The following LRRIQ4 variants were observed in gnomAD, a reference collection of about 807,000 sequenced individuals.
LRRIQ4 encodes leucine rich repeats and IQ motif containing 4, also known as leucine-rich repeat and IQ domain-containing protein 4.
Under a neutral mutation model 40.1 loss-of-function variants are expected in LRRIQ4, and 21 were observed. The ratio of observed to expected loss-of-function variants is 0.52; its 90% CI spans 0.37 to 0.75. The LOEUF is 0.75. Among genes scored for constraint, LRRIQ4 ranks in the 30% least tolerant of loss-of-function variants. The probability of loss-of-function intolerance (pLI) is 0.00; values close to 1 mark genes in which losing one functional copy is unlikely to be tolerated. For synonymous variants in LRRIQ4, 277 were observed against 277.1 expected, an observed-to-expected ratio of 1.00 and a Z score of 0.00; for missense variants, 655 against 660.0, an observed-to-expected ratio of 0.99 and a Z score of 0.08.
At position 169,822,652 on chromosome 3, in the gene LRRIQ4, A is replaced by G; in HGVS notation, c.731A>G (p.Asn244Ser). ...SQLSVLDLSH[N>S]LLHSIPKSFA... ...CTGTCGGTGCTCGATTTATCCCACA[A>G]CCTCCTCCACTCCATCCCGAAGAGC... The change falls in exon 2 of 6, where the codon AAC becomes AGC. Residue 244 changes from asparagine to serine, a missense_variant. Transcript: ENST00000340806. The G allele has an allele frequency of 1.2e-6, 2 of 1,613,754 alleles. No individual in the cohort carries two copies. Among genetic ancestry groups the G allele is most frequent in the African/African-American group, 1.3e-5 (1 of 74,962 alleles).
chr3:169,814,501 T>TTTGTTTGTTTGTTTG lies in LRRIQ4; in HGVS notation c.-32+1458_-32+1459insTTTGTTTGTTTGTTG, dbSNP rs1560607379. Among the ~76,000 whole-genome samples the TTTGTTTGTTTGTTTG allele has an allele frequency of 3.8e-3, 563 of 146,406 alleles. 3 individuals are homozygous for TTTGTTTGTTTGTTTG. The highest frequency in any genetic ancestry group is 0.013 in the African/African-American group (529 of 39,684). On this transcript the variant is annotated intron_variant, in intron 1 of 5. Coordinates refer to ENST00000340806, the MANE Select transcript of LRRIQ4 (RefSeq NM_001080460.3). ...GGGGTGTTTGTTTGTTTGTTTGTTT[T>TTTGTTTGTTTGTTTG]TTGAGACAGAGTCTCGCTCTGTGGT... is the stretch of plus-strand genomic sequence containing the variant.
intron 5 of LRRIQ4, among the ~76,000 whole-genome samples, chr3:169,835,403 A>C (rs76975060): frequency 0.097 from 9,915 of 102,150 alleles, 370 homozygotes; most frequent in Admixed American, 0.14. Flanking sequence ...TGTCCTAATG[A>C]TTTTTGGAGT....
chr3:169,829,468 T>TA (rs1780113695), intron 3 of LRRIQ4, among the ~76,000 whole-genome samples: 1 of 150,702 alleles, frequency 6.6e-6, no homozygotes, highest in Non-Finnish European at 1.5e-5. Flanking sequence ...GGTGTCTTCA[T>TA]ATATTCATCC....
intron 2 of LRRIQ4, among the ~76,000 whole-genome samples, chr3:169,823,625 C>T (rs947210799): frequency 1.8e-4 from 27 of 152,128 alleles, no homozygotes; most frequent in African/African-American, 4.3e-4. Flanking sequence ...GGATTACAAG[C>T]GTGAGCCACC....
At chr3:169,831,734 C>G (rs1020191265) in intron 4 of LRRIQ4, among the ~76,000 whole-genome samples, 8 of 151,100 alleles carry the variant, frequency 5.3e-5, no homozygotes, top group Admixed American at 1.3e-4. Flanking sequence ...TTTGGGACGC[C>G]GAGGAGGGCA....
intron 4 of LRRIQ4, among the ~76,000 whole-genome samples, chr3:169,831,209 T>C (rs1020159080): frequency 6.6e-6 from 1 of 151,410 alleles, no homozygotes; most frequent in African/African-American, 2.4e-5. Context: ...AATGTTTCTT[T>C]TTTTTTTTCT....
At chr3:169,831,763 G>T (rs34194057) in intron 4 of LRRIQ4, among the ~76,000 whole-genome samples, 37,417 of 150,800 alleles carry the variant, frequency 0.25, 5,303 homozygotes, top group East Asian at 0.62. Context: ...GAGGTTAGGA[G>T]TTCAAACCAG....
In LRRIQ4 at chr3:169,822,173, G is replaced by T; in HGVS notation, c.252G>T (p.Arg84Ser). The T allele has an allele frequency of 2.5e-6, 4 of 1,609,946 alleles. No homozygotes were observed. Among genetic ancestry groups the T allele is most frequent in the Non-Finnish European group, 3.4e-6 (4 of 1,178,938 alleles). ...RVLYLDKNNL[R>S]SLCPALGLLS... ...TCTACCTGGATAAGAACAACCTGAGGAGCCTGTGCCCGGCGCTGGGGCTGC... is the reference window on the plus strand; with the variant it reads ...TCTACCTGGATAAGAACAACCTGAGTAGCCTGTGCCCGGCGCTGGGGCTGC... The change falls in exon 2 of 6, where the codon AGG becomes AGT. Residue 84 changes from arginine (R) to serine (S), a missense_variant. By Grantham distance (110) the Arg-to-Ser change is moderately radical. Transcript: ENST00000340806.
chr3:169,828,841 T>C lies in LRRIQ4; in HGVS notation c.1103T>C (p.Val368Ala). 6.2e-7 allele frequency: 1 copy of C among 1,613,940 alleles called. No homozygotes were observed. Among genetic ancestry groups the C allele is most frequent in the South Asian group, 1.1e-5 (1 of 91,072 alleles). ...GAGTTCCTTTCCTTTCCGGAGGAAG[T>C]CCTTTCTTTAGCGTCTTTAGAGAAA... ...GNEFLSFPEE[V>A]LSLASLEKLY... The change falls in exon 3 of 6, where the codon GTC (valine) becomes GCC (alanine). Residue 368 changes from valine (V) to alanine (A), a missense_variant. Transcript: ENST00000340806.
Position 169,822,558 on chromosome 3 carries a change from C to CT in LRRIQ4, c.638dup (p.Gln214AlafsTer8), listed in dbSNP as rs1779929693. 2 of 1,613,772 alleles carry CT rather than the reference C, an allele frequency of 1.2e-6. No individual in the cohort carries two copies. The highest frequency in any genetic ancestry group is 2.7e-5 in the African/African-American group (2 of 74,942). ...AGAAGAGATCGGACACCTGACGGGG[C>CT]TGCAGAAGTTCTATATGGCTTCTAA... On this transcript the variant is annotated frameshift_variant, in exon 2 of 6. Transcript: ENST00000340806. LOFTEE classifies it high-confidence loss of function.
chr3:169,824,140 A>G (rs975397819), intron 2 of LRRIQ4, among the ~76,000 whole-genome samples: 2 of 152,180 alleles, frequency 1.3e-5, no homozygotes, highest in African/African-American at 2.4e-5. Context: ...ATTTTTATAT[A>G]TAATGAAAAT....
chr3:169,816,050 G>A (rs188998846), intron 1 of LRRIQ4, among the ~76,000 whole-genome samples: 7 of 152,146 alleles, frequency 4.6e-5, no homozygotes, highest in Admixed American at 6.5e-5. Flanking sequence ...TAGCATTTTC[G>A]TTGAGGATCT....
intron 4 of LRRIQ4, among the ~76,000 whole-genome samples, chr3:169,832,230 G>A (rs1780195823): frequency 6.6e-6 from 1 of 152,058 alleles, no homozygotes; most frequent in South Asian, 2.1e-4. Context: ...AGCACTTTGG[G>A]AGGCCAAGGC....
rs558826657 is a variant in LRRIQ4, at chr3:169,822,466, A to G, written c.545A>G (p.Gln182Arg). Residue 182 changes from glutamine to arginine, a missense_variant, in exon 2 of 6, where the codon CAG becomes CGG. Physicochemically the swap from Gln to Arg is conservative, Grantham distance 43 (BLOSUM62 1). Coordinates refer to ENST00000340806, the MANE Select transcript of LRRIQ4 (RefSeq NM_001080460.3). ...CGAAACCAGTTTGAAGTTTTCCCCC[A>G]GGAGCTCTGTGTTCTCTACACCCTG... ...LKRNQFEVFP[Q>R]ELCVLYTLEI... 162 of 1,614,010 alleles carry G rather than the reference A, an allele frequency of 1.0e-4. 2 individuals are homozygous for G. The South Asian group carries it at 1.7e-3, about 17-fold the overall frequency.
chr3:169,825,090 C>T (rs1472220345), intron 2 of LRRIQ4, among the ~76,000 whole-genome samples: 10 of 151,798 alleles, frequency 6.6e-5, no homozygotes, highest in Non-Finnish European at 1.5e-5. Context: ...TCACTGCAAC[C>T]TCCACCTCCC....
At chr3:169,835,137 G>T (rs192735748) in intron 5 of LRRIQ4, among the ~76,000 whole-genome samples, 2,516 of 151,796 alleles carry the variant, frequency 0.017, 23 homozygotes, top group Non-Finnish European at 0.025. Context: ...AGCTTTTTTT[G>T]CCTGTAATGT....
Position 169,822,946 on chromosome 3 carries a change from G to T in LRRIQ4, c.1020+5G>T. The stretch of plus-strand genomic sequence containing the variant: ...GATGACAATAAAATAGGACAGGTAC[G>T]GATTCCTTTTCTGGCTGTCACTATG... On this transcript the variant is annotated splice_donor_5th_base_variant and intron_variant, in intron 2 of 5. Transcript: ENST00000340806. 1 of 1,511,130 alleles carries T rather than the reference G, an allele frequency of 6.6e-7. No homozygotes were observed. The highest frequency in any genetic ancestry group is 8.8e-7 in the Non-Finnish European group (1 of 1,130,754). The allele number at this position is 1,511,130 out of a possible 1,614,324, so 93.6% of individuals were successfully genotyped here. A position where few individuals can be genotyped will look rare whatever the true frequency, so the allele number is the denominator to read the frequency against.
At chr3:169,814,708 C>T (rs910605327) in intron 1 of LRRIQ4, among the ~76,000 whole-genome samples, 1 of 152,186 alleles carries the variant, frequency 6.6e-6, no homozygotes, top group Non-Finnish European at 1.5e-5. Context: ...TGGTCTCAAA[C>T]TCCTGACCTC....
chr3:169,830,409 A>AAAAAAT, intron 3 of LRRIQ4, 83 bp from the exon 4 acceptor site: 2 of 508,546 alleles, frequency 3.9e-6, no homozygotes, highest in Non-Finnish European at 5.8e-6. Context: ...AAAAAAAAAA[A>AAAAAAT]TGCATGAGCA....
Sources: gnomAD v4.1 joint callset for allele counts (sites outside exome capture counted in the v4.1 genomes callset) on GRCh38, gnomAD v4.1.1 for gene constraint, MANE v1.5 for transcripts, NCBI Gene and HGNC (gene_info 2026-07-23, HGNC 2026-07-21) for gene names.